The following ORC1 variants were observed in gnomAD, a reference collection of about 807,000 sequenced individuals.
ORC1 encodes origin recognition complex subunit 1, also known as origin recognition complex, subunit 1 homolog.
A neutral mutation model predicts 98.9 loss-of-function variants in ORC1; 61 were observed. That is an observed-to-expected ratio of 0.62 (90% CI 0.50 to 0.76). The LOEUF (loss-of-function observed/expected upper bound fraction) is 0.76, where lower values mean the gene tolerates loss of function less well. ORC1 is among the 30% of genes least tolerant of loss of function. The probability of loss-of-function intolerance (pLI) is 0.00; values close to 1 mark genes in which losing one functional copy is unlikely to be tolerated. For missense variants in ORC1, 979 were observed against 1,072.2 expected (o/e 0.91, Z 1.21); for synonymous variants, 385 against 406.9 (o/e 0.95, Z 0.65).
chr1:52,396,366 T>A lies in ORC1; in HGVS notation c.403-2A>T. 1 of 1,614,136 alleles carries A rather than the reference T, an allele frequency of 6.2e-7. No individual in the cohort carries two copies. Among genetic ancestry groups the A allele is most frequent in the Non-Finnish European group, 8.5e-7 (1 of 1,180,020 alleles). On this transcript the variant is annotated splice_acceptor_variant, in intron 4 of 16. Coordinates refer to ENST00000371568, the MANE Select transcript of ORC1 (RefSeq NM_004153.4). LOFTEE classifies it high-confidence loss of function. The stretch of plus-strand genomic sequence containing the variant: ...ATCCTTTGGGGCTAAAGGTATCACC[T>A]GAATTTAGGAAGTATAGATAAGTAG...
intron 11 of ORC1, 99 bp downstream of exon 11, chr1:52,384,451 T>G: frequency 1.9e-6 from 2 of 1,057,754 alleles, no homozygotes; most frequent in Non-Finnish European, 2.9e-6. Flanking sequence ...GCCTGGTATA[T>G]CATGAACATG....
At chr1:52,405,396 T>C (rs1438810919), upstream of ORC1, among the ~76,000 whole-genome samples, 1 of 152,254 alleles carries the variant, frequency 6.6e-6, no homozygotes, top group Non-Finnish European at 1.5e-5. Flanking sequence ...TTACCTTTCT[T>C]AGCCCTCATT....
chr1:52,404,534 A>T (rs896772533), upstream of ORC1: 11 of 507,136 alleles, frequency 2.2e-5, no homozygotes, highest in Non-Finnish European at 2.8e-5. Context: ...GGGGCGCATG[A>T]CGTACATCCG....
At chr1:52,387,303 T>C (rs973731837) in intron 8 of ORC1, among the ~76,000 whole-genome samples, 1 of 152,192 alleles carries the variant, frequency 6.6e-6, no homozygotes, top group Non-Finnish European at 1.5e-5. Context: ...ACACTCCTTA[T>C]GAGAATCCAA....
intron 14 of ORC1, among the ~76,000 whole-genome samples, 182 bp from the exon 15 acceptor site, chr1:52,375,781 C>T (rs917558330): frequency 3.3e-5 from 5 of 152,134 alleles, no homozygotes; most frequent in Non-Finnish European, 5.9e-5. Flanking sequence ...TAGTCCAAAC[C>T]TCTGTCTTGG....
At chr1:52,380,964 G>C (rs1264553099) in intron 14 of ORC1, among the ~76,000 whole-genome samples, 2 of 152,234 alleles carry the variant, frequency 1.3e-5, no homozygotes, top group Non-Finnish European at 2.9e-5. Flanking sequence ...TCAGGGTGAA[G>C]AGTGTGTCGG....
chr1:52,388,330 T>C (rs745566585), intron 8 of ORC1, 112 bp downstream of exon 8: 36 of 896,700 alleles, frequency 4.0e-5, no homozygotes, highest in Non-Finnish European at 1.3e-5. Flanking sequence ...GCATTGAATA[T>C]AACAGATCTG....
Position 52,397,798 on chromosome 1 carries a change from C to A in ORC1, c.289G>T (p.Ala97Ser), listed in dbSNP as rs370667339. 5.6e-5 allele frequency: 90 copies of A among 1,614,178 alleles called. 1 individual carries two copies. In the South Asian group the frequency reaches 6.7e-4, roughly 12 times the overall value. ...CGGCCCAACAAATGCCGTTTACAGG[C>A]AGGGACTTCACAGAATCGGACAAAC... is the stretch of plus-strand genomic sequence containing the variant. ...QWFVRFCEVP[A>S]CKRHLLGRKP... The change falls in exon 4 of 17, where the codon GCC becomes TCC. Residue 97 changes from alanine to serine, a missense_variant. Physicochemically the swap from Ala to Ser is moderately conservative, Grantham distance 99. Transcript: ENST00000371568.
At chr1:52,387,374 C>T (rs1647155921) in intron 8 of ORC1, among the ~76,000 whole-genome samples, 1 of 152,198 alleles carries the variant, frequency 6.6e-6, no homozygotes, top group Non-Finnish European at 1.5e-5. Flanking sequence ...CCCCTGCCAT[C>T]CGTAGAAAGT....
At chr1:52,383,261 C>T (rs1337569269) in intron 13 of ORC1, among the ~76,000 whole-genome samples, 159 bp downstream of exon 13, 1 of 152,040 alleles carries the variant, frequency 6.6e-6, no homozygotes, top group East Asian at 1.9e-4. Context: ...GTTGGCCAGG[C>T]TGGTCTTGAA....
intron 13 of ORC1, among the ~76,000 whole-genome samples, chr1:52,382,288 A>T (rs1334025509): frequency 2.0e-5 from 3 of 151,518 alleles, no homozygotes; most frequent in Non-Finnish European, 4.4e-5. Flanking sequence ...CTAAACTGGG[A>T]TTATAGGCAT....
chr1:52,383,349 C>A, intron 13 of ORC1, 71 bp downstream of exon 13: 1 of 1,588,152 alleles, frequency 6.3e-7, no homozygotes, highest in Non-Finnish European at 8.6e-7. Context: ...ACACCTGGAC[C>A]ATTTTTGCAG....
chr1:52,388,206 A>C (rs1000610979), intron 8 of ORC1, among the ~76,000 whole-genome samples: 1 of 152,202 alleles, frequency 6.6e-6, no homozygotes, highest in Non-Finnish European at 1.5e-5. Context: ...GCTCTTGGCC[A>C]TCTGATTCTG....
In ORC1 at chr1:52,383,407, C is replaced by A. The variant is rs763584001; in HGVS notation, c.2013+13G>T. 6.2e-7 allele frequency: 1 copy of A among 1,612,056 alleles called. No individual in the cohort carries two copies. Among genetic ancestry groups the A allele is most frequent in the Admixed American group, 1.7e-5 (1 of 59,998 alleles). On this transcript the variant is annotated intron_variant, in intron 13 of 16. Coordinates refer to ENST00000371568, the MANE Select transcript of ORC1 (RefSeq NM_004153.4). ...ATCTGCAAGAACAGCATGGGAACTG[C>A]CCTAGAACCTACCAGTCGGCTGGAC...
rs768368425 is a variant in ORC1, at chr1:52,396,190, T to C, written c.577A>G (p.Lys193Glu). ...GAAGGGCTCTCTGCACTCTTACTCT[T>C]GGCTCTCACGGGTTTCTGGCACTTG... The part of the protein sequence containing the change: ...AAKCQKPVRA[K>E]SKSAESPSWT... The change falls in exon 5 of 17, where the codon AAG becomes GAG. Residue 193 changes from lysine to glutamate, a missense_variant. Physicochemically the swap from Lys to Glu is moderately conservative, Grantham distance 56. Coordinates refer to ENST00000371568, the MANE Select transcript of ORC1 (RefSeq NM_004153.4). 6.2e-7 allele frequency: 1 copy of C among 1,614,226 alleles called. No homozygotes were observed. The highest frequency in any genetic ancestry group is 2.2e-5 in the East Asian group (1 of 44,890).
intron 11 of ORC1, 145 bp from the exon 12 acceptor site, chr1:52,384,082 C>G: frequency 5.6e-6 from 4 of 715,202 alleles, no homozygotes; most frequent in Non-Finnish European, 1.0e-5. Context: ...TTAACCTTTA[C>G]TTGGAAGGAC....
At chr1:52,408,694 AGT>A, upstream of ORC1, 1 of 1,613,954 alleles carries the variant, frequency 6.2e-7, no homozygotes, top group Non-Finnish European at 8.5e-7. Context: ...AATGGGGGTA[AGT>A]ATGGTGCTAA....
In ORC1 at chr1:52,375,081, TG is replaced by T. The variant is rs57086086; in HGVS notation, c.2304-185del. ...CAAACTGATACAGAAAATGTCACTG[TG>T]GAAGTGAGGAAACATAGCAACTACA... is the stretch of plus-strand genomic sequence containing the variant. On this transcript the variant is annotated intron_variant, in intron 15 of 16. Transcript: ENST00000371568. 4.0e-3 allele frequency among the ~76,000 whole-genome samples: 614 copies of T among 152,286 alleles called. 6 individuals are homozygous for T. Among genetic ancestry groups the T allele is most frequent in the African/African-American group, 0.014 (579 of 41,568 alleles).
rs1397132514 is a variant in ORC1 at position 52,374,835 on chromosome 1, C to T, written c.2366G>A (p.Gly789Glu). 3.1e-6 allele frequency: 5 copies of T among 1,613,762 alleles called. No homozygotes were observed. Among genetic ancestry groups the T allele is most frequent in the Non-Finnish European group, 4.2e-6 (5 of 1,179,656 alleles). ...RAILAEFRRSGLEEATFQQIY... is the reference protein window; with the variant it reads ...RAILAEFRRSELEEATFQQIY... ...CTGTTGAAACGTGGCTTCCTCCAGT[C>T]CTGATCGACGGAACTCTGCGAGGAT... The change falls in exon 16 of 17, where the codon GGA becomes GAA. Residue 789 changes from glycine to glutamate, a missense_variant. Coordinates refer to ENST00000371568, the MANE Select transcript of ORC1 (RefSeq NM_004153.4).
Sources: gnomAD v4.1 joint callset for allele counts (sites outside exome capture counted in the v4.1 genomes callset) on GRCh38, gnomAD v4.1.1 for gene constraint, MANE v1.5 for transcripts, NCBI Gene and HGNC (gene_info 2026-07-23, HGNC 2026-07-21) for gene names.